CTIF: variants seen among roughly 807,000 people sequenced by gnomAD.
The protein encoded by CTIF is CBP80/20-dependent translation initiation factor.
Under a neutral mutation model 66.0 loss-of-function variants are expected in CTIF, and 21 were observed. The observed-to-expected ratio is 0.32, with a 90% CI of 0.23 to 0.46. The LOEUF (loss-of-function observed/expected upper bound fraction) is 0.46, where lower values mean the gene tolerates loss of function less well. Ranked by LOEUF, CTIF falls within the 20% of genes least tolerant of loss-of-function variation. CTIF has a pLI of 1.00. For synonymous variants in CTIF, 345 were observed against 326.4 expected (o/e 1.06, Z -0.62); for missense variants, 739 against 812.7 (o/e 0.91, Z 1.10).
intron 1 of CTIF, among the ~76,000 whole-genome samples, chr18:48,563,754 G>A (rs1292744198): frequency 3.9e-5 from 6 of 152,234 alleles, no homozygotes; most frequent in African/African-American, 1.4e-4. Context: ...TTACAGGCGT[G>A]AGCCACCGTG....
At chr18:48,624,250 T>G (rs981756148) in intron 2 of CTIF, among the ~76,000 whole-genome samples, 1 of 151,714 alleles carries the variant, frequency 6.6e-6, no homozygotes, top group East Asian at 1.9e-4. Context: ...AGTCACTCTA[T>G]CCTTGGGAGG....
chr18:48,676,100 G>T (rs901106328), intron 6 of CTIF, among the ~76,000 whole-genome samples: 1 of 152,018 alleles, frequency 6.6e-6, no homozygotes, highest in Non-Finnish European at 1.5e-5. Context: ...AAGTCGGCGC[G>T]ACCAGTGTGA....
Position 48,817,309 on chromosome 18 carries a change from C to A in CTIF, c.1460C>A (p.Thr487Asn). Reference sequence around the variant, plus strand: ...ACCTTCCTGTGCGAGGTCTTCGGCACCATGCGCAGCAGCACAGGCGAGCCC... The same window carrying A: ...ACCTTCCTGTGCGAGGTCTTCGGCAACATGCGCAGCAGCACAGGCGAGCCC... ...FITFLCEVFGTMRSSTGEPFR... is the reference protein window; with the variant it reads ...FITFLCEVFGNMRSSTGEPFR... Residue 487 changes from threonine to asparagine, a missense_variant, in exon 10 of 12, where the codon ACC (threonine) becomes AAC (asparagine). Around this residue, in one of 2 missense-constraint regions of CTIF, gnomAD observed 210 missense variants for 292.3 expected, o/e 0.72. Transcript: ENST00000256413. The A allele has an allele frequency of 6.2e-7, 1 of 1,613,990 alleles. No homozygotes were observed. Among genetic ancestry groups the A allele is most frequent in the Non-Finnish European group, 8.5e-7 (1 of 1,179,976 alleles).
At chr18:48,736,033 G>C (rs1317888260) in intron 7 of CTIF, among the ~76,000 whole-genome samples, 1 of 152,124 alleles carries the variant, frequency 6.6e-6, no homozygotes, top group Non-Finnish European at 1.5e-5. Flanking sequence ...ATTTTCCCTG[G>C]CTTCTCCATA....
Position 48,862,663 on chromosome 18 carries a change from T to TTA in CTIF, c.*3105_*3106insAT, listed in dbSNP as rs1211960081. On this transcript the variant is annotated 3_prime_UTR_variant, in exon 12 of 12. Transcript: ENST00000256413. ...CGAGTCGGTATTTATTCTGATTGAT[T>TTA]TTTATTTTATTCTATTATTTTCTCC... 3 of 150,486 alleles carry TTA rather than the reference T, an allele frequency of 2.0e-5. No individual in the cohort carries two copies. The highest frequency in any genetic ancestry group is 6.6e-5 in the Admixed American group (1 of 15,240). 9.3% of individuals were successfully genotyped at this position (150,486 alleles called of 1,614,324 possible). A position where few individuals can be genotyped will look rare whatever the true frequency, so the allele number is the denominator to read the frequency against.
At chr18:48,845,641 G>C (rs1186616968) in intron 10 of CTIF, among the ~76,000 whole-genome samples, 5 of 152,062 alleles carry the variant, frequency 3.3e-5, no homozygotes, top group Admixed American at 6.6e-5. Context: ...TAATCCCTGG[G>C]TGCTGATGAT....
chr18:48,722,884 C>CA (rs1485219514), intron 7 of CTIF, among the ~76,000 whole-genome samples: 1 of 152,218 alleles, frequency 6.6e-6, no homozygotes, highest in Non-Finnish European at 1.5e-5. Flanking sequence ...TTCTGAGGGT[C>CA]TTTTTCGCTA....
chr18:48,699,572 G>T (rs1490030146), intron 6 of CTIF, among the ~76,000 whole-genome samples: 1 of 152,198 alleles, frequency 6.6e-6, no homozygotes, highest in African/African-American at 2.4e-5. Context: ...ATTCTAGGAT[G>T]GTTTTGGGGT....
chr18:48,592,945 C>T lies in CTIF; in HGVS notation c.-28-26593C>T, dbSNP rs535676266. ...GCCGCGGATCAGGGAATGGAGGCAG[C>T]GGGGATCTGGGAGGCCCAGAAGCAG... On this transcript the variant is annotated intron_variant, in intron 1 of 11. Transcript: ENST00000256413. Among the ~76,000 whole-genome samples, 13 of 152,290 alleles carry T rather than the reference C, an allele frequency of 8.5e-5. No individual in the cohort carries two copies. The East Asian group carries it at 1.3e-3, about 16-fold the overall frequency.
intron 10 of CTIF, among the ~76,000 whole-genome samples, chr18:48,842,308 C>T (rs571795779): frequency 1.5e-4 from 23 of 152,240 alleles, no homozygotes; most frequent in African/African-American, 5.1e-4. Flanking sequence ...AACCAGGCCT[C>T]GCTCAGCCCC....
intron 8 of CTIF, chr18:48,760,185 C>CT (rs949378479): frequency 0.062 from 8,298 of 132,872 alleles, 400 homozygotes; most frequent in African/African-American, 0.1. Flanking sequence ...TCAGCCCTTT[C>CT]TTTTTTTTTT....
At chr18:48,716,922 A>G (rs1417720711) in intron 7 of CTIF, among the ~76,000 whole-genome samples, 2 of 152,272 alleles carry the variant, frequency 1.3e-5, no homozygotes, top group Non-Finnish European at 2.9e-5. Context: ...GACCTTAGCC[A>G]GCCCAGCTAG....
intron 9 of CTIF, among the ~76,000 whole-genome samples, chr18:48,777,856 C>T (rs559120053): frequency 1.2e-4 from 19 of 152,310 alleles, no homozygotes; most frequent in African/African-American, 3.1e-4. Flanking sequence ...GAGAGCAGGC[C>T]GCAGCCTCAT....
intron 6 of CTIF, among the ~76,000 whole-genome samples, chr18:48,684,398 TA>T (rs2091801593): frequency 6.6e-6 from 1 of 152,168 alleles, no homozygotes; most frequent in South Asian, 2.1e-4. Context: ...TCACTGTTTT[TA>T]CTATTTTTTT....
intron 6 of CTIF, among the ~76,000 whole-genome samples, chr18:48,681,913 G>A (rs1043949902): frequency 2.6e-5 from 4 of 152,264 alleles, no homozygotes; most frequent in East Asian, 1.9e-4. Context: ...AGCCTCCCAA[G>A]TAGCTAGGAT....
intron 1 of CTIF, among the ~76,000 whole-genome samples, chr18:48,551,855 T>C (rs9947506): frequency 0.041 from 6,183 of 152,070 alleles, 434 homozygotes; most frequent in African/African-American, 0.14. Flanking sequence ...TGGAGTGTAG[T>C]GGCGCGATGT....
rs188513290 is a variant in CTIF, at chr18:48,687,634, G to A, written c.507+16890G>A. Among the ~76,000 whole-genome samples the A allele has an allele frequency of 1.2e-4, 18 of 152,298 alleles. No individual in the cohort carries two copies. In the East Asian group the frequency reaches 1.5e-3, roughly 13 times the overall value. On this transcript the variant is annotated intron_variant, in intron 6 of 11. Transcript: ENST00000256413. Reference sequence around the variant, plus strand: ...AGCCCTGGGAGCAGGGCTCTTGTCCGACACCACCTCTGAGACAGCACTGGT... The same window carrying A: ...AGCCCTGGGAGCAGGGCTCTTGTCCAACACCACCTCTGAGACAGCACTGGT...
intron 1 of CTIF, among the ~76,000 whole-genome samples, chr18:48,611,177 G>A (rs1301067992): frequency 2.0e-5 from 3 of 152,236 alleles, no homozygotes; most frequent in African/African-American, 7.2e-5. Context: ...AGCAGCTGAA[G>A]AGCTGTTGAG....
chr18:48,852,705 T>G (rs751168596), intron 10 of CTIF, among the ~76,000 whole-genome samples: 34 of 152,184 alleles, frequency 2.2e-4, no homozygotes, highest in Non-Finnish European at 4.4e-4. Context: ...GAGGTCCAGG[T>G]TACTTTCAAT....
Sources: gnomAD v4.1 joint callset for allele counts (sites outside exome capture counted in the v4.1 genomes callset) on GRCh38, gnomAD v4.1.1 for gene constraint, gnomAD v4.1.1 regional missense constraint, MANE v1.5 for transcripts, NCBI Gene and HGNC (gene_info 2026-07-23, HGNC 2026-07-21) for gene names.